The following CDH18 variants were observed in gnomAD, a reference collection of about 807,000 sequenced individuals.
The protein encoded by CDH18 is cadherin-18.
In CDH18, 31 loss-of-function variants were observed where a neutral mutation model predicts 67.9. The ratio of observed to expected loss-of-function variants is 0.46; its 90% confidence interval spans 0.34 to 0.62. CDH18 has a LOEUF of 0.62. Ranked by LOEUF, CDH18 falls within the 20% of genes least tolerant of loss-of-function variation. CDH18 has a pLI of 0.01. For synonymous variants in CDH18, 362 were observed against 347.2 expected (o/e 1.04, Z -0.48); for missense variants, 890 against 975.5 (o/e 0.91, Z 1.17).
intron 1 of CDH18, among the ~76,000 whole-genome samples, chr5:20,452,408 C>A (rs541431518): frequency 4.9e-4 from 74 of 152,140 alleles, no homozygotes; most frequent in Admixed American, 1.6e-3. Flanking sequence ...ACATACACAC[C>A]ATGGAATACT....
intron 7 of CDH18, among the ~76,000 whole-genome samples, chr5:19,577,254 C>T (rs1033850993): frequency 6.6e-6 from 1 of 151,972 alleles, no homozygotes; most frequent in Non-Finnish European, 1.5e-5. Context: ...AATGTTCTCA[C>T]CACATGTAAA....
chr5:20,406,228 A>G (rs1483091434), intron 1 of CDH18, among the ~76,000 whole-genome samples: 4 of 152,204 alleles, frequency 2.6e-5, no homozygotes, highest in African/African-American at 9.7e-5. Flanking sequence ...TGTGGCACAT[A>G]TACACCACGG....
chr5:20,518,379 A>G (rs982830389), intron 1 of CDH18, among the ~76,000 whole-genome samples: 2 of 152,140 alleles, frequency 1.3e-5, no homozygotes, highest in East Asian at 3.9e-4. Flanking sequence ...GGTAGATGAC[A>G]CTAAGGTAGG....
chr5:19,641,138 T>A (rs1452267072), intron 5 of CDH18, among the ~76,000 whole-genome samples: 1 of 121,474 alleles, frequency 8.2e-6, no homozygotes, highest in African/African-American at 2.8e-5. Context: ...GAATCTAAAT[T>A]TTTCAAAAAA....
chr5:19,631,230 C>G (rs79527849), intron 5 of CDH18, among the ~76,000 whole-genome samples: 2 of 151,882 alleles, frequency 1.3e-5, no homozygotes, highest in Non-Finnish European at 2.9e-5. Flanking sequence ...AAATATTTCA[C>G]GCATATGAAT....
chr5:19,840,770 T>A (rs1782224172), intron 2 of CDH18, among the ~76,000 whole-genome samples: 1 of 152,148 alleles, frequency 6.6e-6, no homozygotes, highest in South Asian at 2.1e-4. Context: ...AAATTTTGCA[T>A]CAAGTTTTGC....
upstream of CDH18, among the ~76,000 whole-genome samples, chr5:19,988,408 G>T (rs190479283): frequency 7.2e-5 from 11 of 152,018 alleles, no homozygotes; most frequent in Admixed American, 2.6e-4. Flanking sequence ...TACTTTTGGG[G>T]CTGCACAAAT....
At chr5:19,518,445 C>T (rs1329174528) in intron 10 of CDH18, among the ~76,000 whole-genome samples, 1 of 151,990 alleles carries the variant, frequency 6.6e-6, no homozygotes, top group Non-Finnish European at 1.5e-5. Context: ...GAGGGTGTTA[C>T]CAAAGGAGAT....
chr5:19,657,475 G>A (rs76020671), intron 5 of CDH18, among the ~76,000 whole-genome samples: 1 of 151,976 alleles, frequency 6.6e-6, no homozygotes, highest in African/African-American at 2.4e-5. Flanking sequence ...GAAAAGAAGG[G>A]TTTTAGATAT....
intron 1 of CDH18, among the ~76,000 whole-genome samples, chr5:20,347,614 C>T (rs531582055): frequency 6.6e-6 from 1 of 152,294 alleles, no homozygotes. Flanking sequence ...AGGGACTGTC[C>T]CAACTTAGGG....
chr5:20,524,495 T>C (rs1755926633), intron 1 of CDH18, among the ~76,000 whole-genome samples: 3 of 152,196 alleles, frequency 2.0e-5, no homozygotes, highest in Admixed American at 2.0e-4. Flanking sequence ...ACTTCTTTAT[T>C]AATATGTGTA....
chr5:19,979,853 T>A (rs952922206), intron 2 of CDH18, among the ~76,000 whole-genome samples: 1 of 152,088 alleles, frequency 6.6e-6, no homozygotes, highest in Non-Finnish European at 1.5e-5. Context: ...GCTAACATAA[T>A]ACTGAATGGG....
chr5:20,552,285 T>C (rs2126624225), intron 1 of CDH18, among the ~76,000 whole-genome samples: 1 of 151,868 alleles, frequency 6.6e-6, no homozygotes, highest in Admixed American at 6.6e-5. Context: ...AAGACCAGCA[T>C]GGCCAACATG....
chr5:20,362,249 A>G (rs1179565251), intron 1 of CDH18, among the ~76,000 whole-genome samples: 1 of 152,176 alleles, frequency 6.6e-6, no homozygotes, highest in East Asian at 1.9e-4. Flanking sequence ...CAAATGCAAA[A>G]TACATAGTAC....
Position 19,525,306 on chromosome 5 carries a change from T to C in CDH18, c.1391-4528A>G, listed in dbSNP as rs115065548. 6.6e-3 allele frequency among the ~76,000 whole-genome samples: 1,005 copies of C among 152,200 alleles called. 8 individuals carry two copies. The highest frequency in any genetic ancestry group is 0.023 in the African/African-American group (960 of 41,490). ...GAAGCTAAATCCTTCTGCTTCAACA[T>C]AGACTCTGTCCATTATGACCCAATA... On this transcript the variant is annotated intron_variant, in intron 9 of 12. Transcript: ENST00000382275.
chr5:19,548,895 G>A (rs898902626), intron 8 of CDH18, among the ~76,000 whole-genome samples: 10 of 151,734 alleles, frequency 6.6e-5, no homozygotes, highest in Middle Eastern at 3.2e-3. Context: ...GATTACAGGC[G>A]TTTGCCATCA....
chr5:20,322,735 G>T (rs542852222), intron 1 of CDH18, among the ~76,000 whole-genome samples: 17 of 152,226 alleles, frequency 1.1e-4, no homozygotes, highest in Non-Finnish European at 2.4e-4. Context: ...AGAAGACAAT[G>T]AATGACAAAA....
At chr5:20,304,099 G>C in intron 1 of CDH18, 8 of 1,610,576 alleles carry the variant, frequency 5.0e-6, no homozygotes, top group Non-Finnish European at 6.8e-6. Context: ...CATCCTCGCT[G>C]GTGTTTACCC....
intron 1 of CDH18, among the ~76,000 whole-genome samples, chr5:20,544,583 G>T (rs186186711): frequency 3.3e-5 from 5 of 152,036 alleles, no homozygotes; most frequent in Non-Finnish European, 2.9e-5. Flanking sequence ...GAGAGAGAGC[G>T]AGAGAGGGAA....
Sources: allele counts gnomAD v4.1 joint callset (sites outside exome capture counted in the v4.1 genomes callset), GRCh38; gene constraint gnomAD v4.1.1; transcripts MANE v1.5; gene names NCBI Gene and HGNC (gene_info 2026-07-23, HGNC 2026-07-21).